PDLIM5: variants seen among roughly 807,000 people sequenced by gnomAD.
PDLIM5 encodes the protein PDZ and LIM domain protein 5.
A neutral mutation model predicts 64.2 loss-of-function variants in PDLIM5; 34 were observed. The observed-to-expected ratio is 0.53, with a 90% CI of 0.40 to 0.71. The LOEUF (loss-of-function observed/expected upper bound fraction) is 0.71. PDLIM5 is among the 30% of genes least tolerant of loss of function. The pLI, the probability that PDLIM5 is intolerant of heterozygous loss-of-function variation, is 0.00. For missense variants in PDLIM5, 683 were observed against 733.6 expected (o/e 0.93, Z 0.80); for synonymous variants, 253 against 269.1 (o/e 0.94, Z 0.59).
At chr4:94,481,961 G>A (rs560132088) in intron 2 of PDLIM5, among the ~76,000 whole-genome samples, 1 of 151,930 alleles carries the variant, frequency 6.6e-6, no homozygotes, top group Admixed American at 6.6e-5. Flanking sequence ...TCTTTTCTCC[G>A]TAATGCCTTG....
At chr4:94,484,929 G>A (rs552644328) in intron 2 of PDLIM5, among the ~76,000 whole-genome samples, 18 of 152,210 alleles carry the variant, frequency 1.2e-4, no homozygotes, top group Admixed American at 3.3e-4. Flanking sequence ...CATGGGGAGC[G>A]TCTATGTTGG....
chr4:94,511,779 A>T (rs1434641839), intron 2 of PDLIM5, among the ~76,000 whole-genome samples: 1 of 152,000 alleles, frequency 6.6e-6, no homozygotes, highest in Non-Finnish European at 1.5e-5. Context: ...CTCCACTTCC[A>T]TTCATGTGGT....
At chr4:94,628,781 T>C (rs1033840864) in intron 8 of PDLIM5, among the ~76,000 whole-genome samples, 1 of 152,182 alleles carries the variant, frequency 6.6e-6, no homozygotes, top group East Asian at 1.9e-4. Flanking sequence ...CTTATGGTTT[T>C]CTCATCCAAA....
At chr4:94,501,364 G>A (rs2452560) in intron 2 of PDLIM5, among the ~76,000 whole-genome samples, 30,899 of 152,138 alleles carry the variant, frequency 0.2, 3,547 homozygotes, top group East Asian at 0.26. Flanking sequence ...TATCACAGGC[G>A]TGAGCTACTG....
intron 7 of PDLIM5, among the ~76,000 whole-genome samples, chr4:94,610,794 T>C (rs1028881407): frequency 6.6e-6 from 1 of 152,214 alleles, no homozygotes; most frequent in African/African-American, 2.4e-5. Flanking sequence ...CTATAGTCTT[T>C]AGAGCTTCAA....
At chr4:94,608,205 A>AAGG in intron 7 of PDLIM5, 1 of 1,493,280 alleles carries the variant, frequency 6.7e-7, no homozygotes, top group Non-Finnish European at 9.0e-7. Context: ...TGGTGTTTCT[A>AAGG]AATTTCAAAG....
chr4:94,607,044 G>A (rs1396144302), intron 7 of PDLIM5, among the ~76,000 whole-genome samples: 2 of 152,088 alleles, frequency 1.3e-5, no homozygotes, highest in Non-Finnish European at 2.9e-5. Context: ...CCCATGTTAT[G>A]GTTCTTATAT....
intron 3 of PDLIM5, among the ~76,000 whole-genome samples, chr4:94,536,551 A>G (rs539233458): frequency 6.6e-6 from 1 of 152,338 alleles, no homozygotes; most frequent in Admixed American, 6.5e-5. Context: ...TACCTACTCC[A>G]GTGCCTACCA....
At chr4:94,507,241 A>G (rs1728472304) in intron 2 of PDLIM5, among the ~76,000 whole-genome samples, 1 of 151,970 alleles carries the variant, frequency 6.6e-6, no homozygotes, top group Non-Finnish European at 1.5e-5. Flanking sequence ...GGATATATAT[A>G]TATATCTCCT....
In PDLIM5 at chr4:94,665,870, G is replaced by A; in HGVS notation, c.*1803G>A. The A allele has an allele frequency of 1.4e-6, 2 of 1,413,936 alleles. No homozygotes were observed. The highest frequency in any genetic ancestry group is 1.8e-6 in the Non-Finnish European group (2 of 1,090,810). The allele number at this position is 1,413,936 out of a possible 1,614,324, so 87.6% of individuals were successfully genotyped here. On this transcript the variant is annotated 3_prime_UTR_variant, in exon 13 of 13. Transcript: ENST00000317968. ...GGAGGGGAGTTTAATTACTCAGATT[G>A]GCCTGTTATTTGATTTCCTCCTTTG...
intron 7 of PDLIM5, among the ~76,000 whole-genome samples, chr4:94,595,585 T>C (rs535566474): frequency 2.0e-5 from 3 of 152,322 alleles, no homozygotes; most frequent in Non-Finnish European, 2.9e-5. Context: ...GAAGCATAAA[T>C]TACATATTTC....
chr4:94,545,849 T>G (rs1732265994), intron 3 of PDLIM5, among the ~76,000 whole-genome samples: 1 of 152,220 alleles, frequency 6.6e-6, no homozygotes, highest in South Asian at 2.1e-4. Flanking sequence ...TATGGCCTGA[T>G]ATTTTTTCCC....
intron 7 of PDLIM5, among the ~76,000 whole-genome samples, chr4:94,614,967 G>A (rs1457254047): frequency 6.6e-6 from 1 of 152,152 alleles, no homozygotes; most frequent in Non-Finnish European, 1.5e-5. Flanking sequence ...TTTAGTAAAT[G>A]TACTTATTGC....
At chr4:94,514,359 C>A (rs1377222028) in intron 2 of PDLIM5, among the ~76,000 whole-genome samples, 1 of 152,036 alleles carries the variant, frequency 6.6e-6, no homozygotes, top group Non-Finnish European at 1.5e-5. Context: ...TGGTCTCAAT[C>A]TCCTGACCTT....
chr4:94,455,012 C>T (rs56827347), intron 1 of PDLIM5, among the ~76,000 whole-genome samples: 4,137 of 152,220 alleles, frequency 0.027, 158 homozygotes, highest in African/African-American at 0.088. Flanking sequence ...GTGAAACATA[C>T]TAAGTGTCTA....
intron 2 of PDLIM5, among the ~76,000 whole-genome samples, chr4:94,507,670 A>G (rs893620431): frequency 6.6e-6 from 1 of 152,180 alleles, no homozygotes. Flanking sequence ...TACACAAGGA[A>G]AGCCCTAAAT....
At chr4:94,461,178 A>G (rs1169379800) in intron 2 of PDLIM5, among the ~76,000 whole-genome samples, 2 of 152,234 alleles carry the variant, frequency 1.3e-5, no homozygotes, top group African/African-American at 2.4e-5. Flanking sequence ...GTTATTTAGC[A>G]TCGTATGAGA....
chr4:94,577,101 G>A (rs144497237), intron 5 of PDLIM5: 7 of 431,012 alleles, frequency 1.6e-5, no homozygotes, highest in African/African-American at 1.2e-4. Flanking sequence ...GATACTTTAA[G>A]GCAGTCATTT....
chr4:94,644,672 G>A (rs2110468129), intron 9 of PDLIM5, among the ~76,000 whole-genome samples: 1 of 152,016 alleles, frequency 6.6e-6, no homozygotes, highest in South Asian at 2.1e-4. Context: ...CTCCCAAGTA[G>A]CCAGGACTAC....
Sources: allele counts gnomAD v4.1 joint callset (sites outside exome capture counted in the v4.1 genomes callset), GRCh38; gene constraint gnomAD v4.1.1; transcripts MANE v1.5; gene names NCBI Gene and HGNC (gene_info 2026-07-23, HGNC 2026-07-21).